Variants in RP1 observed in about 807,000 individuals in gnomAD.
RP1 encodes RP1 axonemal microtubule associated.
RP1 carries 16 observed loss-of-function variants against 14.8 expected under a neutral mutation model. That is an observed-to-expected ratio of 1.08 (90% CI 0.73 to 1.65). The LOEUF (loss-of-function observed/expected upper bound fraction) is 1.65. Among genes scored for constraint, RP1 ranks in the 40% most tolerant of loss-of-function variants. The pLI is 0.00. For synonymous variants in RP1, 876 were observed against 883.6 expected (o/e 0.99, Z 0.15); for missense variants, 2,631 against 2,535.0 (o/e 1.04, Z -0.81).
chr8:54,632,085 G>A (rs1040068082), downstream of RP1, among the ~76,000 whole-genome samples: 1 of 151,808 alleles, frequency 6.6e-6, no homozygotes, highest in South Asian at 2.1e-4. Flanking sequence ...CAGGTGATCC[G>A]CCCGCCTCGG....
intron 7 of RP1, among the ~76,000 whole-genome samples, chr8:54,672,301 A>T (rs1397417299): frequency 1.3e-5 from 2 of 152,112 alleles, no homozygotes; most frequent in Non-Finnish European, 2.9e-5. Flanking sequence ...TTTTGGATGT[A>T]TGGTCCACTC....
rs2129317830 is a variant in RP1, at chr8:54,628,671, G to A, written c.4789G>A (p.Asp1597Asn). 1.2e-6 allele frequency: 2 copies of A among 1,614,040 alleles called. No homozygotes were observed. The highest frequency in any genetic ancestry group is 1.7e-6 in the Non-Finnish European group (2 of 1,179,950). Residue 1597 changes from aspartate to asparagine, a missense_variant, in exon 4 of 4, where the codon GAC (aspartate) becomes AAC (asparagine). Coordinates refer to ENST00000220676, the MANE Select transcript of RP1 (RefSeq NM_006269.2). ...TTCTGATTGGTCAGACTATCGGCCT[G>A]ACAGTGACAGTGAGCAGCCATATAA... ...VTSDWSDYRP[D>N]SDSEQPYKTS...
At chr8:54,837,432 T>C in intron 24 of RP1, 1 of 1,153,072 alleles carries the variant, frequency 8.7e-7, no homozygotes, top group Non-Finnish European at 1.1e-6. Flanking sequence ...TAGTTCCCTT[T>C]TATCCTTTGT....
At chr8:54,664,834 G>A (rs970233280) in intron 7 of RP1, among the ~76,000 whole-genome samples, 3 of 152,108 alleles carry the variant, frequency 2.0e-5, no homozygotes, top group Admixed American at 1.3e-4. Flanking sequence ...AGACACTAGG[G>A]TGTGGAGAGG....
chr8:54,790,861 C>G lies in RP1; in HGVS notation c.3615+7151C>G. ...GAAAGGTTATGAGTTAATGGGATAC[C>G]ATCAAGTGAAACAATATATGCATTA... On this transcript the variant is annotated intron_variant, in intron 24 of 28. Transcript: ENST00000637698. Among the ~76,000 whole-genome samples the G allele has an allele frequency of 1.3e-5, 2 of 151,848 alleles. 1 individual carries two copies. Among genetic ancestry groups the G allele is most frequent in the Non-Finnish European group, 2.9e-5 (2 of 67,952 alleles).
At chr8:54,581,078 A>C (rs1202256460) in intron 1 of RP1, among the ~76,000 whole-genome samples, 1 of 152,124 alleles carries the variant, frequency 6.6e-6, no homozygotes, top group South Asian at 2.1e-4. Context: ...ATATGTATAC[A>C]TATGCCATGT....
intron 21 of RP1, among the ~76,000 whole-genome samples, chr8:54,758,680 T>C (rs1363794549): frequency 1.3e-5 from 2 of 152,190 alleles, no homozygotes; most frequent in East Asian, 1.9e-4. Flanking sequence ...TGGATGCTAC[T>C]ACAAATGGAG....
downstream of RP1, among the ~76,000 whole-genome samples, chr8:54,632,202 G>T (rs1479551169): frequency 1.3e-5 from 2 of 152,112 alleles, no homozygotes; most frequent in Non-Finnish European, 1.5e-5. Flanking sequence ...GACAAGGAAA[G>T]AATTTTTCTT....
At chr8:54,693,283 A>G (rs1430058868) in intron 12 of RP1, among the ~76,000 whole-genome samples, 1 of 151,980 alleles carries the variant, frequency 6.6e-6, no homozygotes, top group African/African-American at 2.4e-5. Context: ...TTGGCTTAGG[A>G]TTGACTTGGT....
intron 24 of RP1, among the ~76,000 whole-genome samples, chr8:54,794,012 A>T (rs936827798): frequency 3.3e-5 from 5 of 151,960 alleles, no homozygotes; most frequent in Non-Finnish European, 7.4e-5. Flanking sequence ...TTGCATTTTC[A>T]TACATCTCTA....
At chr8:54,807,644 A>G (rs147116070) in intron 24 of RP1, among the ~76,000 whole-genome samples, 2 of 53,856 alleles carry the variant, frequency 3.7e-5, no homozygotes, top group African/African-American at 3.5e-4. Flanking sequence ...CTATCTATCT[A>G]TCTATCTATC....
At chr8:54,717,817 G>A (rs1488950566) in intron 15 of RP1, among the ~76,000 whole-genome samples, 5 of 152,060 alleles carry the variant, frequency 3.3e-5, no homozygotes, top group African/African-American at 9.7e-5. Context: ...GCTCACAGAT[G>A]ATATTAGTCT....
intron 3 of RP1, among the ~76,000 whole-genome samples, chr8:54,645,984 C>T (rs1280582175): frequency 6.6e-6 from 1 of 152,066 alleles, no homozygotes; most frequent in East Asian, 1.9e-4. Flanking sequence ...TTGTCCACCA[C>T]CCGCATTCTT....
intron 24 of RP1, among the ~76,000 whole-genome samples, chr8:54,786,330 A>G (rs2129382090): frequency 6.6e-6 from 1 of 152,240 alleles, no homozygotes; most frequent in East Asian, 1.9e-4. Flanking sequence ...GAGAAGTCAG[A>G]AGTTAACCTT....
chr8:54,729,567 A>G lies in RP1; in HGVS notation c.2521+3091A>G, dbSNP rs778865750. On this transcript the variant is annotated intron_variant, in intron 17 of 22. Transcript: ENST00000636932. ...AGTAGAACACATCAAGCATACAGGAAAATCTTAAAATTATATCAACTTACT... is the reference window on the plus strand; with the variant it reads ...AGTAGAACACATCAAGCATACAGGAGAATCTTAAAATTATATCAACTTACT... 9.9e-4 allele frequency among the ~76,000 whole-genome samples: 151 copies of G among 152,150 alleles called. 3 individuals carry two copies. Among genetic ancestry groups the G allele is most frequent in the Non-Finnish European group, 8.7e-4 (59 of 68,028 alleles).
Position 54,625,259 on chromosome 8 carries a change from A to T in RP1, c.1377A>T (p.Gln459His), listed in dbSNP as rs769907024. The change falls in exon 4 of 4, where the codon CAA (glutamine) becomes CAT (histidine). Residue 459 changes from glutamine to histidine, a missense_variant. Gln to His is a conservative substitution (Grantham distance 24). Transcript: ENST00000220676. ...PPTPGLRRVRQKKSVIGSVTL... is the reference protein window; with the variant it reads ...PPTPGLRRVRHKKSVIGSVTL... ...CACCTGGACTAAGAAGAGTGAGACA[A>T]AAGAAATCTGTGATTGGCAGTGTGA... 2 of 1,614,182 alleles carry T rather than the reference A, an allele frequency of 1.2e-6. No individual in the cohort carries two copies. The highest frequency in any genetic ancestry group is 2.2e-5 in the South Asian group (2 of 91,082).
At chr8:54,754,778 T>G (rs1386041453) in intron 19 of RP1, 1 of 1,481,256 alleles carries the variant, frequency 6.8e-7, no homozygotes, top group Non-Finnish European at 8.9e-7. Context: ...TGACACAATT[T>G]GGTCATTTTT....
Position 54,621,544 on chromosome 8 carries a change from G to A in RP1, c.578G>A (p.Arg193His), listed in dbSNP as rs754949406. 1 of 1,614,196 alleles carries A rather than the reference G, an allele frequency of 6.2e-7. No individual in the cohort carries two copies. The highest frequency in any genetic ancestry group is 1.1e-5 in the South Asian group (1 of 91,090). Residue 193 changes from arginine to histidine, a missense_variant, in exon 2 of 4, where the codon CGC becomes CAC. Physicochemically the swap from Arg to His is conservative, Grantham distance 29. Transcript: ENST00000220676. ...CAGCACCTGACAGAGGTCATGCAGC[G>A]CCCTGTGGTCAAGCTGTACGCTACG... is the stretch of plus-strand genomic sequence containing the variant. ...FLQHLTEVMQ[R>H]PVVKLYATDG...
At chr8:54,758,821 T>C in intron 21 of RP1, 1 of 1,224,988 alleles carries the variant, frequency 8.2e-7, no homozygotes. Flanking sequence ...TAAAGTATTG[T>C]GCTGCTTCTG....
Sources: gnomAD v4.1 joint callset for allele counts (sites outside exome capture counted in the v4.1 genomes callset) on GRCh38, gnomAD v4.1.1 for gene constraint, MANE v1.5 for transcripts, NCBI Gene and HGNC (gene_info 2026-07-23, HGNC 2026-07-21) for gene names.